Variants in FNBP1 observed in about 807,000 individuals in gnomAD.
FNBP1 encodes formin binding protein 1.
In FNBP1, 26 loss-of-function variants were observed where a neutral mutation model predicts 90.6. The observed-to-expected ratio is 0.29, with a 90% CI of 0.21 to 0.40. The LOEUF (loss-of-function observed/expected upper bound fraction) is 0.40. FNBP1 is among the 10% of genes least tolerant of loss of function. The pLI is 1.00. For missense variants in FNBP1, 635 were observed against 768.0 expected (o/e 0.83, Z 2.05); for synonymous variants, 260 against 265.2 (o/e 0.98, Z 0.19).
intron 15 of FNBP1, among the ~76,000 whole-genome samples, chr9:129,896,673 G>A (rs2035818047): frequency 6.6e-6 from 1 of 151,488 alleles, no homozygotes; most frequent in Admixed American, 6.6e-5. Context: ...TGTTTGTTTT[G>A]AGACAGAGTC....
At chr9:130,009,541 G>A (rs900222794) in intron 1 of FNBP1, among the ~76,000 whole-genome samples, 7 of 151,882 alleles carry the variant, frequency 4.6e-5, no homozygotes, top group South Asian at 2.1e-4. Flanking sequence ...AATGACTCAC[G>A]CCTGTAATTC....
At chr9:130,020,621 C>T (rs1219616408) in intron 1 of FNBP1, among the ~76,000 whole-genome samples, 1 of 152,128 alleles carries the variant, frequency 6.6e-6, no homozygotes, top group African/African-American at 2.4e-5. Flanking sequence ...TTCGCATCAA[C>T]ATAAAACCAA....
At chr9:129,893,631 A>AAAAAAAAAAAAAAAAAAAAAAC in intron 16 of FNBP1, among the ~76,000 whole-genome samples, 1 of 137,886 alleles carries the variant, frequency 7.3e-6, no homozygotes, top group Non-Finnish European at 1.6e-5. Flanking sequence ...AAAAAAAAAA[A>AAAAAAAAAAAAAAAAAAAAAAC]AAAAAAGCCA....
At chr9:129,897,941 T>G (rs992229009) in intron 15 of FNBP1, among the ~76,000 whole-genome samples, 3 of 152,084 alleles carry the variant, frequency 2.0e-5, no homozygotes, top group Non-Finnish European at 4.4e-5. Context: ...GCAATTCTCA[T>G]GCTTCAGCCT....
intron 1 of FNBP1, among the ~76,000 whole-genome samples, chr9:130,014,537 C>A (rs1032462402): frequency 2.0e-5 from 3 of 152,176 alleles, no homozygotes; most frequent in Non-Finnish European, 4.4e-5. Context: ...CAGGCATGAG[C>A]CACCGTGCCC....
intron 1 of FNBP1, among the ~76,000 whole-genome samples, chr9:129,997,106 C>T (rs1030749176): frequency 2.1e-4 from 32 of 151,856 alleles, no homozygotes; most frequent in African/African-American, 7.2e-4. Flanking sequence ...GGGTGGATCA[C>T]TTGAAGCCAG....
chr9:129,977,029 A>G (rs2050427791), intron 4 of FNBP1, among the ~76,000 whole-genome samples: 1 of 151,986 alleles, frequency 6.6e-6, no homozygotes, highest in Admixed American at 6.6e-5. Context: ...TTAGCTGGGC[A>G]TGGTGGCGGG....
intron 6 of FNBP1, among the ~76,000 whole-genome samples, chr9:129,953,629 G>A (rs2046494212): frequency 6.6e-6 from 1 of 152,020 alleles, no homozygotes; most frequent in South Asian, 2.1e-4. Flanking sequence ...ACAAATATCT[G>A]GAAATGGACA....
At position 129,903,245 on chromosome 9, in the gene FNBP1, T is replaced by G. The variant is rs571277698; in HGVS notation, c.1296-244A>C. On this transcript the variant is annotated intron_variant, in intron 12 of 16. Transcript: ENST00000446176. ...TTTTGTATTTTTAGTAGAGATGGGG[T>G]TTTGCCACGTTGGCCAGGCTGGTCT... Among the ~76,000 whole-genome samples, 5 of 152,194 alleles carry G rather than the reference T, an allele frequency of 3.3e-5. No homozygotes were observed. In the East Asian group the frequency reaches 9.7e-4, roughly 29 times the overall value.
chr9:130,006,865 T>C (rs928298199), intron 1 of FNBP1, among the ~76,000 whole-genome samples: 1 of 151,882 alleles, frequency 6.6e-6, no homozygotes, highest in Admixed American at 6.6e-5. Context: ...ATGATAAAAA[T>C]ATATGTGTGG....
In FNBP1 at chr9:129,889,734, T is replaced by C. The variant is rs1240269737; in HGVS notation, c.*805A>G. Reference sequence around the variant, plus strand: ...TCTACAGTTCTCAGGGACAGGAAAGTGATGGGGAGGACAGGCGTGGGCTCC... The same window carrying C: ...TCTACAGTTCTCAGGGACAGGAAAGCGATGGGGAGGACAGGCGTGGGCTCC... On this transcript the variant is annotated 3_prime_UTR_variant, in exon 17 of 17. Coordinates refer to ENST00000446176, the MANE Select transcript of FNBP1 (RefSeq NM_015033.3). 8.6e-6 allele frequency: 2 copies of C among 231,766 alleles called. No homozygotes were observed. The highest frequency in any genetic ancestry group is 1.7e-5 in the Non-Finnish European group (2 of 117,360). The allele number at this position is 231,766 out of a possible 1,614,324, so 14.4% of individuals were successfully genotyped here.
chr9:130,053,758 C>T, the FNBP1 span: 9 of 622,174 alleles, frequency 1.4e-5, no homozygotes, highest in East Asian at 2.3e-4. Context: ...CGAAGGGCCC[C>T]GAGGTGGGCA....
chr9:129,965,704 G>A (rs1270043405), intron 4 of FNBP1, among the ~76,000 whole-genome samples: 3 of 104,974 alleles, frequency 2.9e-5, no homozygotes, highest in African/African-American at 3.9e-5. Flanking sequence ...ACACGCGCGC[G>A]CGCGCACACA....
At chr9:130,026,154 C>T (rs1301731964) in intron 1 of FNBP1, among the ~76,000 whole-genome samples, 1 of 152,118 alleles carries the variant, frequency 6.6e-6, no homozygotes. Context: ...CAGATCCACA[C>T]TCTTGAACAA....
intron 1 of FNBP1, among the ~76,000 whole-genome samples, chr9:130,006,382 C>G (rs986898946): frequency 2.0e-5 from 3 of 152,216 alleles, no homozygotes; most frequent in Non-Finnish European, 4.4e-5. Flanking sequence ...GTAGTCTCAG[C>G]TACTCTGGAG....
In FNBP1 at chr9:129,941,599, G is replaced by A. The variant is rs575327080; in HGVS notation, c.514-11904C>T. 2.0e-5 allele frequency among the ~76,000 whole-genome samples: 3 copies of A among 152,162 alleles called. No homozygotes were observed. The East Asian group carries it at 5.8e-4, about 29-fold the overall frequency. On this transcript the variant is annotated intron_variant, in intron 6 of 16. Coordinates refer to ENST00000446176, the MANE Select transcript of FNBP1 (RefSeq NM_015033.3). ...TCCTGCCTCAGCCTCCTGAGTAGATGGGACGACAGGCACACACCAGCCTGC... is the reference window on the plus strand; with the variant it reads ...TCCTGCCTCAGCCTCCTGAGTAGATAGGACGACAGGCACACACCAGCCTGC...
At chr9:129,911,090 G>A (rs1167626533) in intron 11 of FNBP1, among the ~76,000 whole-genome samples, 6 of 152,122 alleles carry the variant, frequency 3.9e-5, no homozygotes, top group Non-Finnish European at 7.4e-5. Context: ...TCGAACTCCC[G>A]ACCTCAGGCG....
At chr9:129,940,362 G>A (rs12551315) in intron 6 of FNBP1, among the ~76,000 whole-genome samples, 6,163 of 152,046 alleles carry the variant, frequency 0.041, 175 homozygotes, top group Non-Finnish European at 0.062. Flanking sequence ...GGAACTTCTA[G>A]AAATAAAAAA....
chr9:129,890,534 C>T lies in FNBP1; in HGVS notation c.*5G>A, dbSNP rs369590572. 1.0e-4 allele frequency: 164 copies of T among 1,585,246 alleles called. No homozygotes were observed. The highest frequency in any genetic ancestry group is 1.4e-4 in the Non-Finnish European group (160 of 1,166,652). On this transcript the variant is annotated 3_prime_UTR_variant, in exon 17 of 17. Coordinates refer to ENST00000446176, the MANE Select transcript of FNBP1 (RefSeq NM_015033.3). The surrounding 1 kb of genome is among the most constrained non-coding windows in gnomAD (Gnocchi z 5.8). Reference sequence around the variant, plus strand: ...GGCTCACCCGAGGCTCGCAGGCACTCCCCTCTAGGAATCTACAACACAAAG... The same window carrying T: ...GGCTCACCCGAGGCTCGCAGGCACTTCCCTCTAGGAATCTACAACACAAAG...
Sources: allele counts gnomAD v4.1 joint callset (sites outside exome capture counted in the v4.1 genomes callset), GRCh38; gene constraint gnomAD v4.1.1; non-coding constraint Gnocchi (gnomAD v3.1); transcripts MANE v1.5; gene names NCBI Gene and HGNC (gene_info 2026-07-23, HGNC 2026-07-21).